ESR1: variants seen among roughly 807,000 people sequenced by gnomAD.
The protein encoded by ESR1 is estrogen receptor.
Under a neutral mutation model 52.7 loss-of-function variants are expected in ESR1, and 12 were observed. That is an observed-to-expected ratio of 0.23 (90% CI 0.15 to 0.37). ESR1 has a LOEUF of 0.37. Ranked by LOEUF, ESR1 falls within the 10% of genes least tolerant of loss-of-function variation. ESR1 has a pLI of 1.00. For synonymous variants in ESR1, 305 were observed against 316.8 expected, an observed-to-expected ratio of 0.96 and a Z score of 0.39; for missense variants, 584 against 779.7, an observed-to-expected ratio of 0.75 and a Z score of 2.99.
chr6:151,868,302 A>G (rs1790332320), intron 2 of ESR1, among the ~76,000 whole-genome samples: 1 of 151,898 alleles, frequency 6.6e-6, no homozygotes, highest in African/African-American at 2.4e-5. Context: ...TAATTTTTGT[A>G]TTTTTAGTAG....
chr6:152,072,502 C>T (rs1165833690), intron 6 of ESR1, among the ~76,000 whole-genome samples: 5 of 152,162 alleles, frequency 3.3e-5, no homozygotes, highest in African/African-American at 1.2e-4. Flanking sequence ...CAGTAATGAG[C>T]TTGAAGGAAG....
intron 1 of ESR1, among the ~76,000 whole-genome samples, chr6:151,830,657 G>T (rs1233376463): frequency 6.6e-6 from 1 of 152,132 alleles, no homozygotes; most frequent in Non-Finnish European, 1.5e-5. Context: ...TGGGTCATCT[G>T]GTTACACATT....
At chr6:151,933,977 C>A (rs1261378754) in intron 3 of ESR1, among the ~76,000 whole-genome samples, 1 of 152,168 alleles carries the variant, frequency 6.6e-6, no homozygotes, top group East Asian at 1.9e-4. Flanking sequence ...AAGCTATAAA[C>A]CCTATCATTG....
At chr6:151,670,465 T>C (rs528454207) in intron 1 of ESR1, among the ~76,000 whole-genome samples, 16 of 152,334 alleles carry the variant, frequency 1.1e-4, no homozygotes, top group African/African-American at 3.8e-4. Flanking sequence ...GTCATCACAG[T>C]ATCCTTGGCT....
chr6:151,899,814 A>C (rs12175725), intron 3 of ESR1, among the ~76,000 whole-genome samples: 1 of 142,214 alleles, frequency 7.0e-6, no homozygotes, highest in African/African-American at 2.8e-5. Flanking sequence ...CAGGGCAGAG[A>C]CGCTCCTCAC....
At chr6:151,681,818 C>T (rs1778472662) in intron 1 of ESR1, among the ~76,000 whole-genome samples, 1 of 152,088 alleles carries the variant, frequency 6.6e-6, no homozygotes. Flanking sequence ...TGCTTTCTGC[C>T]AAAATGTCTT....
rs146553338 is a variant in ESR1, at chr6:152,011,661, G to A, written c.1102G>A (p.Val368Met). The A allele has an allele frequency of 6.2e-7, 1 of 1,613,114 alleles. No homozygotes were observed. Among genetic ancestry groups the A allele is most frequent in the Non-Finnish European group, 8.5e-7 (1 of 1,179,426 alleles). Residue 368 changes from valine (V) to methionine (M), a missense_variant, in exon 5 of 8, where the codon GTG (valine) becomes ATG (methionine). Physicochemically the swap from Val to Met is conservative, Grantham distance 21 (BLOSUM62 1). This residue lies in a region of ESR1 where 141 missense variants were observed against 289.3 expected (regional missense o/e 0.49). Coordinates refer to ENST00000206249, the MANE Select transcript of ESR1 (RefSeq NM_000125.4). ...INWAKRVPGF[V>M]DLTLHDQVHL... ...TTTTTCTTGCTTGTTTTCAGGCTTTGTGGATTTGACCCTCCATGATCAGGT... is the reference window on the plus strand; with the variant it reads ...TTTTTCTTGCTTGTTTTCAGGCTTTATGGATTTGACCCTCCATGATCAGGT...
At chr6:151,838,090 C>T (rs753487162) in intron 1 of ESR1, among the ~76,000 whole-genome samples, 25 of 152,296 alleles carry the variant, frequency 1.6e-4, no homozygotes, top group Non-Finnish European at 3.1e-4. Context: ...GCCTTGAATG[C>T]CTGGGCTCAA....
At chr6:151,926,490 A>G (rs1435973791) in intron 3 of ESR1, among the ~76,000 whole-genome samples, 5 of 151,806 alleles carry the variant, frequency 3.3e-5, no homozygotes, top group African/African-American at 7.3e-5. Context: ...TGAACTTTCA[A>G]TCTCTATTAT....
intron 4 of ESR1, among the ~76,000 whole-genome samples, chr6:151,978,996 T>C (rs1291793195): frequency 6.6e-6 from 1 of 152,122 alleles, no homozygotes; most frequent in Non-Finnish European, 1.5e-5. Context: ...AATGATTAGG[T>C]AGAACTAAAA....
chr6:151,791,514 T>G (rs1438852957), intron 2 of ESR1, among the ~76,000 whole-genome samples: 1 of 152,182 alleles, frequency 6.6e-6, no homozygotes, highest in Non-Finnish European at 1.5e-5. Flanking sequence ...GATATGTCTT[T>G]ATTAGCAGTG....
intron 1 of ESR1, among the ~76,000 whole-genome samples, chr6:151,691,723 G>C (rs973375304): frequency 7.2e-5 from 11 of 152,146 alleles, no homozygotes; most frequent in African/African-American, 2.2e-4. Context: ...AGGAAGACCA[G>C]GTAGAAGTAT....
intron 4 of ESR1, among the ~76,000 whole-genome samples, chr6:151,968,921 G>A (rs531779606): frequency 2.6e-5 from 4 of 152,250 alleles, no homozygotes; most frequent in African/African-American, 9.6e-5. Flanking sequence ...CTGTGGTAAA[G>A]ATCTGGAGGT....
chr6:151,909,023 A>G (rs1419297130), intron 3 of ESR1, among the ~76,000 whole-genome samples: 1 of 152,172 alleles, frequency 6.6e-6, no homozygotes, highest in African/African-American at 2.4e-5. Flanking sequence ...CTCAAAGTTG[A>G]AATATTTTTA....
At chr6:151,765,947 G>C (rs950349166) in intron 2 of ESR1, among the ~76,000 whole-genome samples, 5 of 152,176 alleles carry the variant, frequency 3.3e-5, no homozygotes, top group Non-Finnish European at 7.3e-5. Context: ...GTGATTCCAA[G>C]AGACTCTTAA....
At chr6:152,009,762 A>G (rs572536853) in intron 4 of ESR1, among the ~76,000 whole-genome samples, 1 of 152,308 alleles carries the variant, frequency 6.6e-6, no homozygotes, top group Admixed American at 6.5e-5. Flanking sequence ...GCATATATCC[A>G]TTCAAAAACT....
intron 2 of ESR1, among the ~76,000 whole-genome samples, chr6:151,786,196 T>A (rs1390623766): frequency 6.6e-6 from 1 of 152,202 alleles, no homozygotes; most frequent in African/African-American, 2.4e-5. Flanking sequence ...GGATCACAAC[T>A]GCTGGAGAAG....
At chr6:151,846,436 C>T (rs939496376) in intron 2 of ESR1, among the ~76,000 whole-genome samples, 2 of 152,140 alleles carry the variant, frequency 1.3e-5, no homozygotes, top group African/African-American at 4.8e-5. Context: ...AAAGTTTTTG[C>T]TGAAATTGTC....
At chr6:151,875,584 T>C (rs1791670147) in intron 2 of ESR1, among the ~76,000 whole-genome samples, 1 of 152,082 alleles carries the variant, frequency 6.6e-6, no homozygotes, top group South Asian at 2.1e-4. Flanking sequence ...AAACCCAACA[T>C]AGTAAGTCCT....
Sources: gnomAD v4.1 joint callset for allele counts (sites outside exome capture counted in the v4.1 genomes callset) on GRCh38, gnomAD v4.1.1 for gene constraint, gnomAD v4.1.1 regional missense constraint, MANE v1.5 for transcripts, NCBI Gene and HGNC (gene_info 2026-07-23, HGNC 2026-07-21) for gene names.